The following CACNB2 variants were observed in gnomAD, a reference collection of about 807,000 sequenced individuals.
The protein encoded by CACNB2 is voltage-dependent L-type calcium channel subunit beta-2.
A neutral mutation model predicts 73.3 loss-of-function variants in CACNB2; 42 were observed. The observed-to-expected ratio is 0.57, with a 90% confidence interval of 0.45 to 0.74. The LOEUF (loss-of-function observed/expected upper bound fraction) is 0.74. Ranked by LOEUF, CACNB2 falls within the 30% of genes least tolerant of loss-of-function variation. The probability of loss-of-function intolerance (pLI) is 0.00; values close to 1 mark genes in which losing one functional copy is unlikely to be tolerated. For synonymous variants in CACNB2, 348 were observed against 310.3 expected (o/e 1.12, Z -1.28); for missense variants, 940 against 853.0 (o/e 1.10, Z -1.27).
At chr10:18,369,571 T>C (rs1173331172) in intron 2 of CACNB2, among the ~76,000 whole-genome samples, 2 of 152,154 alleles carry the variant, frequency 1.3e-5, no homozygotes, top group Non-Finnish European at 2.9e-5. Flanking sequence ...TATTTCCTTA[T>C]TGTGTCTTGT....
intron 2 of CACNB2, among the ~76,000 whole-genome samples, chr10:18,275,369 C>T (rs1588910546): frequency 6.6e-6 from 1 of 152,112 alleles, no homozygotes; most frequent in East Asian, 1.9e-4. Context: ...AGGTTAGCTT[C>T]GTAATAAGGG....
chr10:18,463,409 T>C (rs1299153885), intron 3 of CACNB2, among the ~76,000 whole-genome samples: 1 of 152,024 alleles, frequency 6.6e-6, no homozygotes, highest in East Asian at 1.9e-4. Flanking sequence ...TCCAAGACTT[T>C]TTCTTTCTCT....
At chr10:18,342,582 A>G (rs890673448) in intron 2 of CACNB2, among the ~76,000 whole-genome samples, 33 of 152,194 alleles carry the variant, frequency 2.2e-4, no homozygotes, top group Non-Finnish European at 4.1e-4. Context: ...TTTCCTAAAA[A>G]TAGACTTTTT....
At chr10:18,167,551 C>T (rs2032939397) in intron 2 of CACNB2, among the ~76,000 whole-genome samples, 1 of 152,120 alleles carries the variant, frequency 6.6e-6, no homozygotes, top group Non-Finnish European at 1.5e-5. Flanking sequence ...TCTTACTGGG[C>T]TATTCAACCT....
chr10:18,493,842 T>C (rs1174972334), intron 3 of CACNB2, among the ~76,000 whole-genome samples: 1 of 152,196 alleles, frequency 6.6e-6, no homozygotes, highest in East Asian at 1.9e-4. Context: ...AGTGACATTG[T>C]CACTGGCCTC....
intron 2 of CACNB2, among the ~76,000 whole-genome samples, chr10:18,201,258 A>T (rs1253504984): frequency 6.6e-6 from 1 of 150,642 alleles, no homozygotes; most frequent in Non-Finnish European, 1.5e-5. Flanking sequence ...TACCTGCCTT[A>T]TAATAGGGTC....
intron 2 of CACNB2, among the ~76,000 whole-genome samples, chr10:18,240,400 G>C (rs112252058): frequency 6.6e-6 from 1 of 152,098 alleles, no homozygotes; most frequent in Non-Finnish European, 1.5e-5. Context: ...ATGTGATGGC[G>C]TACTCAAAAC....
intron 2 of CACNB2, among the ~76,000 whole-genome samples, chr10:18,401,389 A>G (rs527540989): frequency 6.6e-6 from 1 of 152,352 alleles, no homozygotes; most frequent in South Asian, 2.1e-4. Flanking sequence ...GTTAGCTGCT[A>G]GTGTCTTACA....
At chr10:18,512,394 C>T (rs2050852075) in intron 6 of CACNB2, among the ~76,000 whole-genome samples, 1 of 152,162 alleles carries the variant, frequency 6.6e-6, no homozygotes, top group Non-Finnish European at 1.5e-5. Context: ...CTTCCTGGAG[C>T]CCTCCCTGAA....
At chr10:18,461,439 T>C (rs1462217647) in intron 3 of CACNB2, among the ~76,000 whole-genome samples, 1 of 152,154 alleles carries the variant, frequency 6.6e-6, no homozygotes, top group Non-Finnish European at 1.5e-5. Context: ...CCAGTGTTCA[T>C]GACTTCCCTG....
At chr10:18,503,477 C>A (rs946690809) in intron 5 of CACNB2, among the ~76,000 whole-genome samples, 15 of 152,070 alleles carry the variant, frequency 9.9e-5, no homozygotes, top group African/African-American at 3.4e-4. Flanking sequence ...ACACCTGTAA[C>A]CCCAGCTACT....
chr10:18,260,011 A>G (rs957487012), intron 2 of CACNB2, among the ~76,000 whole-genome samples: 4 of 152,212 alleles, frequency 2.6e-5, no homozygotes, highest in Non-Finnish European at 5.9e-5. Flanking sequence ...GTGACATGAA[A>G]TCATTAACAT....
intron 2 of CACNB2, among the ~76,000 whole-genome samples, chr10:18,243,655 A>G (rs1189765735): frequency 1.3e-5 from 2 of 152,156 alleles, no homozygotes; most frequent in Admixed American, 1.3e-4. Context: ...GGAATAGGTT[A>G]GTTCCTGCAA....
At chr10:18,483,034 A>G (rs1424124566) in intron 3 of CACNB2, among the ~76,000 whole-genome samples, 3 of 152,170 alleles carry the variant, frequency 2.0e-5, no homozygotes, top group Non-Finnish European at 2.9e-5. Context: ...ACAATTGGTC[A>G]CTAAGCTTTC....
chr10:18,539,413 G>C lies in CACNB2; in HGVS notation c.1672G>C (p.Glu558Gln). ...GLSRQETFDS[E>Q]TQESRDSAYV... ...CTCCAGGCAAGAGACATTTGACTCG[G>C]AAACCCAGGAGAGTCGAGACTCTGC... is the stretch of plus-strand genomic sequence containing the variant. Residue 558 changes from glutamate to glutamine, a missense_variant, in exon 14 of 14, where the codon GAA becomes CAA. Glu to Gln is a conservative substitution (Grantham distance 29). Coordinates refer to ENST00000324631, the MANE Select transcript of CACNB2 (RefSeq NM_201596.3). 6.2e-7 allele frequency: 1 copy of C among 1,614,088 alleles called. No individual in the cohort carries two copies. The highest frequency in any genetic ancestry group is 1.1e-5 in the South Asian group (1 of 91,076).
intron 3 of CACNB2, among the ~76,000 whole-genome samples, chr10:18,489,622 A>G (rs531115653): frequency 6.6e-6 from 1 of 152,178 alleles, no homozygotes; most frequent in African/African-American, 2.4e-5. Context: ...GAATAAAACA[A>G]TTGTAGCTGG....
At chr10:18,515,619 C>T (rs538948941) in intron 7 of CACNB2, among the ~76,000 whole-genome samples, 1 of 152,334 alleles carries the variant, frequency 6.6e-6, no homozygotes, top group East Asian at 1.9e-4. Context: ...AAAACTTCAG[C>T]ACTCTGGGCA....
chr10:18,396,961 GA>G (rs1383298012), intron 2 of CACNB2, among the ~76,000 whole-genome samples: 2 of 152,092 alleles, frequency 1.3e-5, no homozygotes, highest in East Asian at 3.9e-4. Flanking sequence ...ATGGCTTTAA[GA>G]CTTCATATAA....
intron 3 of CACNB2, among the ~76,000 whole-genome samples, chr10:18,450,269 C>G (rs762273976): frequency 3.4e-4 from 52 of 152,144 alleles, no homozygotes; most frequent in Non-Finnish European, 7.2e-4. Context: ...GAGGAAAACA[C>G]TACCGTTGTA....
Sources: allele counts gnomAD v4.1 joint callset (sites outside exome capture counted in the v4.1 genomes callset), GRCh38; gene constraint gnomAD v4.1.1; transcripts MANE v1.5; gene names NCBI Gene and HGNC (gene_info 2026-07-23, HGNC 2026-07-21).